Variants in CNTNAP4 observed in about 807,000 individuals in gnomAD.
The protein encoded by CNTNAP4 is contactin associated protein family member 4, also known as contactin-associated protein-like 4.
Under a neutral mutation model 148.4 loss-of-function variants are expected in CNTNAP4, and 98 were observed. The ratio of observed to expected loss-of-function variants is 0.66; its 90% confidence interval spans 0.56 to 0.78. The LOEUF is 0.78. Among genes scored for constraint, CNTNAP4 ranks in the 30% least tolerant of loss-of-function variants. The pLI is 0.00. For synonymous variants in CNTNAP4, 730 were observed against 565.1 expected (o/e 1.29, Z -4.14); for missense variants, 1,935 against 1,565.6 (o/e 1.24, Z -3.98).
chr16:76,412,721 A>T (rs1181313291), intron 3 of CNTNAP4, among the ~76,000 whole-genome samples: 2 of 151,266 alleles, frequency 1.3e-5, no homozygotes, highest in African/African-American at 4.8e-5. Flanking sequence ...TGTATTCTGG[A>T]TACTAATATA....
At chr16:76,479,660 C>A in intron 12 of CNTNAP4, 122 bp downstream of exon 12, 1 of 917,254 alleles carries the variant, frequency 1.1e-6, no homozygotes, top group South Asian at 1.8e-5. Context: ...TGTATTGTTC[C>A]TTAGAAAAAC....
intron 12 of CNTNAP4, among the ~76,000 whole-genome samples, chr16:76,481,046 A>C (rs1289392416): frequency 3.3e-5 from 5 of 152,204 alleles, no homozygotes; most frequent in Non-Finnish European, 5.9e-5. Flanking sequence ...AAGATAAACA[A>C]ATAAACCAAT....
chr16:76,329,153 CATTTG>C, intron 2 of CNTNAP4, among the ~76,000 whole-genome samples: 1 of 152,194 alleles, frequency 6.6e-6, no homozygotes, highest in East Asian at 1.9e-4. Flanking sequence ...GGTAAAAACT[CATTTG>C]AGAAGGAGGG....
intron 12 of CNTNAP4, among the ~76,000 whole-genome samples, chr16:76,487,960 G>A (rs1034128837): frequency 6.6e-6 from 1 of 152,156 alleles, no homozygotes; most frequent in Non-Finnish European, 1.5e-5. Context: ...AAGGCTTCAA[G>A]CAGGTATATT....
intron 3 of CNTNAP4, among the ~76,000 whole-genome samples, chr16:76,356,015 T>C (rs1306117109): frequency 6.6e-6 from 1 of 151,830 alleles, no homozygotes; most frequent in East Asian, 1.9e-4. Context: ...GCTTGGATTA[T>C]AGTCGCCCAC....
At chr16:76,450,653 A>G (rs1040090617) in intron 7 of CNTNAP4, among the ~76,000 whole-genome samples, 1 of 152,248 alleles carries the variant, frequency 6.6e-6, no homozygotes, top group African/African-American at 2.4e-5. Flanking sequence ...GCACCAAGAG[A>G]TCTTACTACC....
chr16:76,279,960 CCAG>C (rs1275752160), intron 1 of CNTNAP4, among the ~76,000 whole-genome samples: 6 of 151,982 alleles, frequency 3.9e-5, no homozygotes, highest in African/African-American at 1.4e-4. Context: ...TATATATTTC[CCAG>C]CAAGACTGGA....
intron 1 of CNTNAP4, among the ~76,000 whole-genome samples, chr16:76,293,325 A>G (rs1286816544): frequency 6.6e-6 from 1 of 152,052 alleles, no homozygotes; most frequent in South Asian, 2.1e-4. Context: ...GGGTTTCACC[A>G]TGTTGGCCAG....
rs555460655 is a variant in CNTNAP4, at chr16:76,337,743, A to G, written c.197-17575A>G. Among the ~76,000 whole-genome samples the G allele has an allele frequency of 2.2e-4, 34 of 152,238 alleles. No homozygotes were observed. In the South Asian group the frequency reaches 7.1e-3, roughly 32 times the overall value. ...TTTCATCCCTTATCTTCAACTGCAT[A>G]AGACAGACACTCCCAGAGCAGCCGT... On this transcript the variant is annotated intron_variant, in intron 2 of 23. Transcript: ENST00000611870.
rs2085339428 is a variant in CNTNAP4 at position 76,559,587 on chromosome 16, A to C, written c.*904A>C. ...ATTTACAACTGTAATACCTCAAATG[A>C]AATATACTTATGAGACTATTTTGCC... On this transcript the variant is annotated 3_prime_UTR_variant, in exon 24 of 24. Coordinates refer to ENST00000611870, the MANE Select transcript of CNTNAP4 (RefSeq NM_033401.5). 6.6e-6 allele frequency among the ~76,000 whole-genome samples: 1 copy of C among 152,164 alleles called. No individual in the cohort carries two copies. The highest frequency in any genetic ancestry group is 2.4e-5 in the African/African-American group (1 of 41,444).
chr16:76,476,363 G>T (rs950543830), intron 11 of CNTNAP4, among the ~76,000 whole-genome samples: 3 of 152,126 alleles, frequency 2.0e-5, no homozygotes, highest in African/African-American at 2.4e-5. Context: ...TCTAGAAGGC[G>T]CAGTACAAGT....
intron 15 of CNTNAP4, among the ~76,000 whole-genome samples, chr16:76,499,988 T>A (rs2082563157): frequency 6.6e-6 from 1 of 152,124 alleles, no homozygotes; most frequent in African/African-American, 2.4e-5. Context: ...CAATCTGATC[T>A]CTCTTTCTTT....
intron 2 of CNTNAP4, among the ~76,000 whole-genome samples, chr16:76,339,789 C>G (rs1377275593): frequency 2.0e-5 from 3 of 152,198 alleles, no homozygotes; most frequent in Admixed American, 1.3e-4. Flanking sequence ...GAGCAGTTCA[C>G]AAGTTTTGGT....
intron 3 of CNTNAP4, among the ~76,000 whole-genome samples, chr16:76,370,567 A>G (rs1174752249): frequency 2.0e-5 from 3 of 152,314 alleles, no homozygotes; most frequent in Non-Finnish European, 4.4e-5. Flanking sequence ...TCCTTAATAC[A>G]GGAGCCTGGG....
At chr16:76,343,394 C>T (rs1341343210) in intron 2 of CNTNAP4, among the ~76,000 whole-genome samples, 3 of 152,100 alleles carry the variant, frequency 2.0e-5, no homozygotes, top group South Asian at 4.1e-4. Flanking sequence ...TTTTTTCCCT[C>T]TTCTGCCTCA....
At chr16:76,359,996 C>T (rs1229295972) in intron 3 of CNTNAP4, among the ~76,000 whole-genome samples, 1 of 152,162 alleles carries the variant, frequency 6.6e-6, no homozygotes, top group Non-Finnish European at 1.5e-5. Flanking sequence ...CTGCAGACTA[C>T]AAGGGCAATG....
intron 1 of CNTNAP4, among the ~76,000 whole-genome samples, chr16:76,288,612 C>G (rs1474857821): frequency 6.6e-6 from 1 of 152,178 alleles, no homozygotes; most frequent in African/African-American, 2.4e-5. Context: ...CTGCCCTGAT[C>G]ATAGACTATC....
At chr16:76,336,899 G>A (rs1964071572) in intron 2 of CNTNAP4, among the ~76,000 whole-genome samples, 1 of 152,104 alleles carries the variant, frequency 6.6e-6, no homozygotes, top group Non-Finnish European at 1.5e-5. Context: ...GTTTTTCTCA[G>A]TGACCTCTAC....
intron 9 of CNTNAP4, among the ~76,000 whole-genome samples, chr16:76,465,906 A>T (rs1042148765): frequency 3.9e-5 from 6 of 152,196 alleles, no homozygotes; most frequent in African/African-American, 1.4e-4. Context: ...TGCCATGTAA[A>T]TGTATTTTGT....
Sources: gnomAD v4.1 joint callset for allele counts (sites outside exome capture counted in the v4.1 genomes callset) on GRCh38, gnomAD v4.1.1 for gene constraint, MANE v1.5 for transcripts, NCBI Gene and HGNC (gene_info 2026-07-23, HGNC 2026-07-21) for gene names.